Variants in CCDC38 observed in about 807,000 individuals in gnomAD.
The protein encoded by CCDC38 is coiled-coil domain-containing protein 38.
Under a neutral mutation model 72.8 loss-of-function variants are expected in CCDC38, and 69 were observed. The observed-to-expected ratio is 0.95, with a 90% confidence interval of 0.78 to 1.16. The LOEUF (loss-of-function observed/expected upper bound fraction) is 1.16. Among genes scored for constraint, CCDC38 ranks in the 50% most tolerant of loss-of-function variants. The probability of loss-of-function intolerance (pLI) is 0.00; values close to 1 mark genes in which losing one functional copy is unlikely to be tolerated. For synonymous variants in CCDC38, 201 were observed against 213.2 expected, an observed-to-expected ratio of 0.94 and a Z score of 0.50; for missense variants, 626 against 638.9, an observed-to-expected ratio of 0.98 and a Z score of 0.22.
intron 1 of CCDC38, among the ~76,000 whole-genome samples, chr12:95,938,596 A>C (rs192143160): frequency 6.6e-6 from 1 of 152,322 alleles, no homozygotes; most frequent in East Asian, 1.9e-4. Context: ...AGTTCATATA[A>C]CATGTAAATG....
chr12:95,907,478 T>C (rs367974815), intron 4 of CCDC38, among the ~76,000 whole-genome samples: 5,895 of 54,482 alleles, frequency 0.11, 14 homozygotes, highest in East Asian at 0.23. Context: ...CCCTCCCGGA[T>C]GGGGCGGCTG....
intron 5 of CCDC38, among the ~76,000 whole-genome samples, chr12:95,902,530 A>G (rs2079960712): frequency 6.6e-6 from 1 of 152,184 alleles, no homozygotes; most frequent in East Asian, 1.9e-4. Flanking sequence ...AGAGTCATCC[A>G]TGTTGGTAGA....
chr12:95,872,208 GC>G (rs1402535201), intron 14 of CCDC38, 46 bp downstream of exon 14: 1 of 1,566,830 alleles, frequency 6.4e-7, no homozygotes, highest in East Asian at 2.2e-5. Context: ...TGGAATCTGA[GC>G]AAAACCAGCT....
Position 95,888,315 on chromosome 12 carries a change from G to A in CCDC38, c.920+143C>T, listed in dbSNP as rs1245537381. The A allele has an allele frequency of 5.6e-6, 4 of 719,018 alleles. No individual in the cohort carries two copies. In the East Asian group the frequency reaches 7.7e-5, roughly 14 times the overall value. 44.5% of individuals were successfully genotyped at this position (719,018 alleles called of 1,614,324 possible). The stretch of plus-strand genomic sequence containing the variant: ...GAGAGAGGCCTGTGAGATCTCAGGA[G>A]TGCACAGAAATGGCACCACTACTTC... On this transcript the variant is annotated intron_variant, in intron 10 of 15. Coordinates refer to ENST00000344280, the MANE Select transcript of CCDC38 (RefSeq NM_182496.3).
chr12:95,929,270 G>A lies in CCDC38; in HGVS notation c.37+7203C>T, dbSNP rs1286764747. Among the ~76,000 whole-genome samples the A allele has an allele frequency of 2.0e-5, 3 of 152,190 alleles. No homozygotes were observed. The East Asian group carries it at 5.8e-4, about 29-fold the overall frequency. Reference sequence around the variant, plus strand: ...GCTGTTTTTTAAGCCCATGGGAAAAGCGCAGTATTCGGGTGGGAGTGACCC... The same window carrying A: ...GCTGTTTTTTAAGCCCATGGGAAAAACGCAGTATTCGGGTGGGAGTGACCC... On this transcript the variant is annotated intron_variant, in intron 2 of 15. Coordinates refer to ENST00000344280, the MANE Select transcript of CCDC38 (RefSeq NM_182496.3).
chr12:95,906,792 A>T lies in CCDC38; in HGVS notation c.305-341T>A, dbSNP rs1250842347. ...ATTCTTTTTTTTTTTTTTCCAATCA[A>T]GATTTCTTTTTATTTATTTATTTAT... is the stretch of plus-strand genomic sequence containing the variant. On this transcript the variant is annotated intron_variant, in intron 4 of 15. Coordinates refer to ENST00000344280, the MANE Select transcript of CCDC38 (RefSeq NM_182496.3). Among the ~76,000 whole-genome samples the T allele has an allele frequency of 2.3e-5, 3 of 131,756 alleles. No homozygotes were observed. In the Admixed American group the frequency reaches 2.4e-4, roughly 11 times the overall value. 86.4% of individuals were successfully genotyped at this position (131,756 alleles called of 152,430 possible).
intron 2 of CCDC38, chr12:95,919,774 C>G: frequency 2.8e-6 from 1 of 361,304 alleles, no homozygotes; most frequent in South Asian, 2.1e-5. Flanking sequence ...ACAGCCACTA[C>G]CCTTAGGGAG....
At chr12:95,869,716 C>A in intron 14 of CCDC38, 143 bp from the exon 15 acceptor site, 1 of 601,356 alleles carries the variant, frequency 1.7e-6, no homozygotes, top group South Asian at 2.1e-5. Flanking sequence ...TACTCATAAC[C>A]GTGGCTTTTG....
chr12:95,913,138 GC>G (rs2080112180), intron 4 of CCDC38, among the ~76,000 whole-genome samples: 5 of 152,136 alleles, frequency 3.3e-5, no homozygotes, highest in Admixed American at 3.3e-4. Context: ...TAACCTGTGA[GC>G]CTGTGCTGCC....
rs1592779260 is a variant in CCDC38 at position 95,903,322 on chromosome 12, G to A, written c.369+3065C>T. On this transcript the variant is annotated intron_variant, in intron 5 of 15. Coordinates refer to ENST00000344280, the MANE Select transcript of CCDC38 (RefSeq NM_182496.3). ...TCAGATTTTCTGCAGAGAGGATCGTGTTGTCTGTAAATAAAGACAGCTTTA... is the reference window on the plus strand; with the variant it reads ...TCAGATTTTCTGCAGAGAGGATCGTATTGTCTGTAAATAAAGACAGCTTTA... 3 of 640,580 alleles carry A rather than the reference G, an allele frequency of 4.7e-6. No individual in the cohort carries two copies. In the Admixed American group the frequency reaches 6.9e-5, roughly 15 times the overall value. 39.7% of individuals were successfully genotyped at this position (640,580 alleles called of 1,614,324 possible). A position where few individuals can be genotyped will look rare whatever the true frequency, so the allele number is the denominator to read the frequency against.
chr12:95,873,908 T>C (rs1410521140), intron 13 of CCDC38, among the ~76,000 whole-genome samples: 1 of 152,198 alleles, frequency 6.6e-6, no homozygotes, highest in African/African-American at 2.4e-5. Flanking sequence ...ATAAAGCTCC[T>C]TTTTACCTTC....
At chr12:95,877,251 T>C (rs1331443392) in intron 13 of CCDC38, among the ~76,000 whole-genome samples, 2 of 151,998 alleles carry the variant, frequency 1.3e-5, no homozygotes, top group Non-Finnish European at 2.9e-5. Flanking sequence ...TCGTTATAGA[T>C]CAAAAGAAGT....
intron 2 of CCDC38, chr12:95,933,444 C>CT (rs2080359151): frequency 6.6e-6 from 1 of 152,118 alleles, no homozygotes; most frequent in African/African-American, 2.4e-5. Context: ...AAGAGTTGTT[C>CT]AACTTCATTA....
intron 4 of CCDC38, among the ~76,000 whole-genome samples, chr12:95,908,265 G>A (rs576275621): frequency 4.0e-5 from 6 of 151,490 alleles, no homozygotes; most frequent in African/African-American, 1.5e-4. Context: ...CTGGAGACCA[G>A]CCCGGCCAAC....
rs182023468 is a variant in CCDC38, at chr12:95,921,329, G to T, written c.38-2353C>A. 1.6e-3 allele frequency among the ~76,000 whole-genome samples: 245 copies of T among 152,198 alleles called. 1 individual carries two copies. Among genetic ancestry groups the T allele is most frequent in the African/African-American group, 5.8e-3 (240 of 41,534 alleles). ...CCAATAGTCAAGGTCAAGTGTAATT[G>T]TCTATTTTCACACTGCTATAAAGAA... On this transcript the variant is annotated intron_variant, in intron 2 of 15. Coordinates refer to ENST00000344280, the MANE Select transcript of CCDC38 (RefSeq NM_182496.3).
chr12:95,906,835 TG>T (rs1430800150), intron 4 of CCDC38, among the ~76,000 whole-genome samples: 6 of 138,998 alleles, frequency 4.3e-5, no homozygotes, highest in East Asian at 2.1e-4. Flanking sequence ...TTTATTTGTT[TG>T]TTTTTTATTG....
At chr12:95,889,696 G>A (rs12828952) in intron 9 of CCDC38, among the ~76,000 whole-genome samples, 26,796 of 151,974 alleles carry the variant, frequency 0.18, 3,073 homozygotes, top group Non-Finnish European at 0.26. Context: ...CCAGGAGTCA[G>A]CCTGAATTGG....
At chr12:95,916,379 G>GCCTTCTTT (rs2080143951) in intron 4 of CCDC38, among the ~76,000 whole-genome samples, 1 of 147,348 alleles carries the variant, frequency 6.8e-6, no homozygotes, top group African/African-American at 2.5e-5. Context: ...TTGCCTGCCT[G>GCCTTCTTT]CCTTCCTTCC....
chr12:95,869,384 A>G, intron 15 of CCDC38, 96 bp downstream of exon 15: 1 of 868,036 alleles, frequency 1.2e-6, no homozygotes, highest in African/African-American at 1.7e-5. Flanking sequence ...TATCTTTCTG[A>G]AGTTCAACCT....
Sources: allele counts gnomAD v4.1 joint callset (sites outside exome capture counted in the v4.1 genomes callset), GRCh38; gene constraint gnomAD v4.1.1; transcripts MANE v1.5; gene names NCBI Gene and HGNC (gene_info 2026-07-23, HGNC 2026-07-21).